The following LCOR variants were observed in gnomAD, a reference collection of about 807,000 sequenced individuals.
LCOR encodes ligand-dependent corepressor.
Under a neutral mutation model 64.4 loss-of-function variants are expected in LCOR, and 14 were observed. That is an observed-to-expected ratio of 0.22 (90% CI 0.14 to 0.34). The LOEUF is 0.34. Among genes scored for constraint, LCOR ranks in the 10% least tolerant of loss-of-function variants. The probability of loss-of-function intolerance (pLI) is 1.00; values close to 1 mark genes in which losing one functional copy is unlikely to be tolerated. For synonymous variants in LCOR, 643 were observed against 642.5 expected (o/e 1.00, Z -0.01); for missense variants, 1,686 against 1,765.3 (o/e 0.96, Z 0.80).
rs1848228461 is a variant in LCOR, at chr10:96,994,670, G to C, written c.*9536G>C. Reference sequence around the variant, plus strand: ...CATTGGGGAGGCGACTACTTCTTGTGGTGGTAGGGGGTGGGGGGAATGGGG... The same window carrying C: ...CATTGGGGAGGCGACTACTTCTTGTCGTGGTAGGGGGTGGGGGGAATGGGG... On this transcript the variant is annotated 3_prime_UTR_variant, in exon 8 of 8. Coordinates refer to ENST00000421806, the MANE Select transcript of LCOR (RefSeq NM_001346516.2). 1 of 152,142 alleles carries C rather than the reference G, an allele frequency of 6.6e-6. No homozygotes were observed. The highest frequency in any genetic ancestry group is 1.9e-4 in the East Asian group (1 of 5,172). The allele number at this position is 152,142 out of a possible 1,614,324, so 9.4% of individuals were successfully genotyped here.
At chr10:96,860,937 C>A (rs1845877862) in intron 2 of LCOR, among the ~76,000 whole-genome samples, 1 of 152,044 alleles carries the variant, frequency 6.6e-6, no homozygotes, top group Non-Finnish European at 1.5e-5. Context: ...ATGTTTGGGG[C>A]AGTTAGCTGT....
chr10:96,832,975 A>T, intron 1 of LCOR: 1 of 979,430 alleles, frequency 1.0e-6, no homozygotes. Context: ...TGAGGTGGAG[A>T]TGGGGGCGGA....
intron 2 of LCOR, among the ~76,000 whole-genome samples, chr10:96,859,597 G>T: frequency 6.6e-6 from 1 of 151,620 alleles, no homozygotes; most frequent in East Asian, 1.9e-4. Context: ...TCGCTCTGTC[G>T]CCCAGGCTGG....
chr10:96,931,777 G>T (rs1847264942), intron 4 of LCOR, among the ~76,000 whole-genome samples: 1 of 152,146 alleles, frequency 6.6e-6, no homozygotes, highest in Non-Finnish European at 1.5e-5. Context: ...CAGCAGTTAG[G>T]AAGTAAAAGA....
intron 2 of LCOR, among the ~76,000 whole-genome samples, chr10:96,895,224 G>A (rs1012571680): frequency 6.6e-6 from 1 of 152,034 alleles, no homozygotes; most frequent in Non-Finnish European, 1.5e-5. Flanking sequence ...TCCCCAAAGT[G>A]AACTAGATCT....
chr10:96,914,606 C>G (rs1846905590), intron 4 of LCOR, among the ~76,000 whole-genome samples: 1 of 152,228 alleles, frequency 6.6e-6, no homozygotes, highest in African/African-American at 2.4e-5. Context: ...AAAAGCAGGA[C>G]ATGGGCAGAC....
chr10:96,975,529 C>T (rs375184250), intron 7 of LCOR, among the ~76,000 whole-genome samples: 1 of 151,654 alleles, frequency 6.6e-6, no homozygotes, highest in Non-Finnish European at 1.5e-5. Flanking sequence ...ATTCCTATCT[C>T]AGTAAATGGT....
intron 2 of LCOR, among the ~76,000 whole-genome samples, chr10:96,897,183 TG>T (rs1266562383): frequency 6.6e-6 from 1 of 151,944 alleles, no homozygotes; most frequent in Admixed American, 6.6e-5. Context: ...AAAAATGTGA[TG>T]TAAAAAAGAT....
intron 2 of LCOR, among the ~76,000 whole-genome samples, chr10:96,886,170 A>G (rs182532347): frequency 3.9e-5 from 6 of 152,256 alleles, no homozygotes; most frequent in African/African-American, 1.4e-4. Flanking sequence ...GAGCCACCGT[A>G]CCTGGCTAAA....
chr10:96,937,366 C>T (rs368930879), intron 4 of LCOR, among the ~76,000 whole-genome samples: 68 of 152,288 alleles, frequency 4.5e-4, no homozygotes, highest in African/African-American at 1.6e-3. Context: ...GAGAATAAAT[C>T]TCTGCTGTTT....
chr10:96,884,239 T>A (rs1042473702), intron 2 of LCOR, among the ~76,000 whole-genome samples: 3 of 152,204 alleles, frequency 2.0e-5, no homozygotes, highest in Non-Finnish European at 4.4e-5. Flanking sequence ...TAATGGAATG[T>A]GAGTCCATTT....
intron 4 of LCOR, among the ~76,000 whole-genome samples, chr10:96,916,587 C>CTATATATATATA (rs71976703): frequency 0.012 from 1,608 of 137,610 alleles, 13 homozygotes; most frequent in East Asian, 0.043. Context: ...TATTTAAAGG[C>CTATATATATATA]TATATATATA....
intron 2 of LCOR, among the ~76,000 whole-genome samples, chr10:96,858,739 T>C (rs906719029): frequency 7.9e-5 from 12 of 152,196 alleles, no homozygotes; most frequent in Admixed American, 3.3e-4. Flanking sequence ...AAAATAACTC[T>C]GGGAGTTTCT....
chr10:96,941,416 A>AC (rs1309481605), intron 4 of LCOR, among the ~76,000 whole-genome samples: 19 of 128,630 alleles, frequency 1.5e-4, no homozygotes, highest in Admixed American at 1.2e-3. Context: ...CAGGGGGCTG[A>AC]CCCCCCACCT....
At chr10:96,969,604 G>A (rs1426255514) in intron 7 of LCOR, among the ~76,000 whole-genome samples, 1 of 152,122 alleles carries the variant, frequency 6.6e-6, no homozygotes, top group Non-Finnish European at 1.5e-5. Flanking sequence ...GGGTGGGAAT[G>A]TGTATGTTTA....
At position 96,920,544 on chromosome 10, in the gene LCOR, A is replaced by G. The variant is rs184506087; in HGVS notation, c.-184+12797A>G. On this transcript the variant is annotated intron_variant, in intron 4 of 7. Transcript: ENST00000421806. ...GATATATGTGTATATATGTATGTATATTCATATATATGTGTATATATGTAT... is the reference window on the plus strand; with the variant it reads ...GATATATGTGTATATATGTATGTATGTTCATATATATGTGTATATATGTAT... 2.1e-4 allele frequency among the ~76,000 whole-genome samples: 29 copies of G among 137,508 alleles called. 1 individual carries two copies. The highest frequency in any genetic ancestry group is 6.8e-4 in the African/African-American group (22 of 32,272). 90.2% of individuals were successfully genotyped at this position (137,508 alleles called of 152,430 possible).
At chr10:96,842,175 C>T (rs1419575039) in intron 2 of LCOR, among the ~76,000 whole-genome samples, 1 of 152,068 alleles carries the variant, frequency 6.6e-6, no homozygotes, top group Non-Finnish European at 1.5e-5. Context: ...GCGGGTGGAT[C>T]ACGAGGTCAA....
rs73318680 is a variant in LCOR, at chr10:96,872,229, G to A, written c.-329-35036G>A. Among the ~76,000 whole-genome samples the A allele has an allele frequency of 4.1e-3, 632 of 152,348 alleles. 3 individuals carry two copies. The highest frequency in any genetic ancestry group is 0.014 in the African/African-American group (585 of 41,564). Reference sequence around the variant, plus strand: ...ACATATGGCTTATGCCATTACCGCAGTGTCAGTAAAAAGTATTGCTGAACC... The same window carrying A: ...ACATATGGCTTATGCCATTACCGCAATGTCAGTAAAAAGTATTGCTGAACC... On this transcript the variant is annotated intron_variant, in intron 2 of 7. Transcript: ENST00000421806.
chr10:96,960,029 T>C (rs1847854299), intron 7 of LCOR: 1 of 152,210 alleles, frequency 6.6e-6, no homozygotes, highest in South Asian at 2.1e-4. Context: ...ATATGAGCTA[T>C]GTGGGATCAG....
Sources: gnomAD v4.1 joint callset for allele counts (sites outside exome capture counted in the v4.1 genomes callset) on GRCh38, gnomAD v4.1.1 for gene constraint, MANE v1.5 for transcripts, NCBI Gene and HGNC (gene_info 2026-07-23, HGNC 2026-07-21) for gene names.